CCDC91: variants seen among roughly 807,000 people sequenced by gnomAD.
CCDC91 encodes coiled-coil domain containing 91.
In CCDC91, 48 loss-of-function variants were observed where a neutral mutation model predicts 63.2. That is an observed-to-expected ratio of 0.76 (90% CI 0.60 to 0.97). The LOEUF is 0.97. CCDC91 is among the 50% of genes least tolerant of loss of function. CCDC91 has a pLI of 0.00. For synonymous variants in CCDC91, 167 were observed against 165.8 expected, an observed-to-expected ratio of 1.01 and a Z score of -0.06; for missense variants, 500 against 494.6, an observed-to-expected ratio of 1.01 and a Z score of -0.10.
At chr12:28,411,333 A>C (rs977496607) in intron 8 of CCDC91, among the ~76,000 whole-genome samples, 1 of 152,166 alleles carries the variant, frequency 6.6e-6, no homozygotes, top group African/African-American at 2.4e-5. Flanking sequence ...GAAATATGGA[A>C]AATTTCTTCC....
chr12:28,294,397 T>A (rs1291185127), intron 3 of CCDC91, among the ~76,000 whole-genome samples: 1 of 152,110 alleles, frequency 6.6e-6, no homozygotes, highest in African/African-American at 2.4e-5. Flanking sequence ...TCCCCCCGCA[T>A]GCTGTTCTTG....
chr12:28,389,112 A>G (rs1945783910), intron 7 of CCDC91, among the ~76,000 whole-genome samples: 1 of 152,174 alleles, frequency 6.6e-6, no homozygotes, highest in African/African-American at 2.4e-5. Flanking sequence ...TCAAAGGACT[A>G]ATATCCGGAA....
At chr12:28,226,874 C>G (rs760711489) in intron 1 of CCDC91, among the ~76,000 whole-genome samples, 24 of 152,114 alleles carry the variant, frequency 1.6e-4, no homozygotes, top group Non-Finnish European at 2.8e-4. Context: ...GAGTATTGGT[C>G]AGACATTTCC....
At chr12:28,397,681 T>G (rs921708237) in intron 8 of CCDC91, among the ~76,000 whole-genome samples, 1 of 152,188 alleles carries the variant, frequency 6.6e-6, no homozygotes, top group Non-Finnish European at 1.5e-5. Context: ...TATGAATTTT[T>G]TTTGAGTTAC....
intron 3 of CCDC91, among the ~76,000 whole-genome samples, chr12:28,283,195 T>C (rs1341361523): frequency 6.6e-6 from 1 of 150,514 alleles, no homozygotes; most frequent in Non-Finnish European, 1.5e-5. Context: ...TGAGCTTTTT[T>C]TTTGGTCCCA....
At chr12:28,416,518 G>T (rs1354178026) in intron 8 of CCDC91, among the ~76,000 whole-genome samples, 2 of 152,168 alleles carry the variant, frequency 1.3e-5, no homozygotes, top group Non-Finnish European at 2.9e-5. Context: ...GGACAGGTGG[G>T]AGTGGGTGGG....
chr12:28,299,493 T>C (rs532521015), intron 3 of CCDC91, among the ~76,000 whole-genome samples: 2 of 151,790 alleles, frequency 1.3e-5, no homozygotes, highest in South Asian at 4.1e-4. Flanking sequence ...TGTTGTTCTT[T>C]GTATTCTGTT....
intron 1 of CCDC91, among the ~76,000 whole-genome samples, chr12:28,228,719 G>A (rs990441132): frequency 1.3e-5 from 2 of 152,128 alleles, no homozygotes; most frequent in Admixed American, 6.5e-5. Flanking sequence ...TGGGTACCAA[G>A]TATGTGTTAA....
intron 1 of CCDC91, among the ~76,000 whole-genome samples, chr12:28,195,400 GTCCCC>G (rs1426178653): frequency 4.6e-5 from 7 of 152,144 alleles, no homozygotes; most frequent in Non-Finnish European, 8.8e-5. Flanking sequence ...AGTTCTCCAA[GTCCCC>G]ACCTGACCCG....
chr12:28,518,512 T>C (rs1425918205), intron 12 of CCDC91, among the ~76,000 whole-genome samples: 5 of 152,076 alleles, frequency 3.3e-5, no homozygotes, highest in African/African-American at 1.2e-4. Flanking sequence ...TGTTTTTTTC[T>C]TACTAATTTT....
intron 7 of CCDC91, among the ~76,000 whole-genome samples, chr12:28,375,416 C>T (rs960295188): frequency 4.0e-5 from 6 of 151,790 alleles, no homozygotes; most frequent in South Asian, 2.1e-4. Flanking sequence ...ATATCCACTT[C>T]GGAATAAAAG....
chr12:28,339,246 G>T (rs1411256825), intron 6 of CCDC91, among the ~76,000 whole-genome samples: 1 of 152,124 alleles, frequency 6.6e-6, no homozygotes, highest in East Asian at 1.9e-4. Context: ...TGAAGAGCCT[G>T]AAAAATTTTC....
chr12:28,210,040 A>T (rs1591992177), intron 1 of CCDC91, among the ~76,000 whole-genome samples: 3 of 152,272 alleles, frequency 2.0e-5, no homozygotes, highest in East Asian at 3.9e-4. Flanking sequence ...TGTCCTAAAC[A>T]TCCTTCTTTT....
chr12:28,446,068 A>G (rs1949484539), intron 8 of CCDC91, among the ~76,000 whole-genome samples: 1 of 152,204 alleles, frequency 6.6e-6, no homozygotes, highest in South Asian at 2.1e-4. Flanking sequence ...GCATGGGACT[A>G]AAAACAAGGA....
At chr12:28,325,741 C>T (rs1940931022) in intron 6 of CCDC91, among the ~76,000 whole-genome samples, 1 of 150,400 alleles carries the variant, frequency 6.6e-6, no homozygotes, top group Non-Finnish European at 1.5e-5. Context: ...GTTGCTGAAG[C>T]AGAATGAATG....
At chr12:28,515,032 G>A (rs969306934) in intron 12 of CCDC91, among the ~76,000 whole-genome samples, 12 of 151,596 alleles carry the variant, frequency 7.9e-5, no homozygotes, top group African/African-American at 2.9e-4. Context: ...AAAAGAAAGT[G>A]GTGAAAATGG....
At chr12:28,457,655 G>T (rs1419883324) in intron 11 of CCDC91, among the ~76,000 whole-genome samples, 1 of 151,674 alleles carries the variant, frequency 6.6e-6, no homozygotes, top group Admixed American at 6.6e-5. Context: ...AAGGATTGTG[G>T]TAGATAATTC....
At chr12:28,436,890 C>T (rs1439688108) in intron 8 of CCDC91, among the ~76,000 whole-genome samples, 4 of 151,862 alleles carry the variant, frequency 2.6e-5, no homozygotes, top group Admixed American at 6.6e-5. Context: ...AAATGCCCAT[C>T]GCCTTATTAA....
chr12:28,216,428 G>A (rs73263433), intron 1 of CCDC91, among the ~76,000 whole-genome samples: 8,227 of 151,954 alleles, frequency 0.054, 644 homozygotes, highest in African/African-American at 0.18. Flanking sequence ...TATATATAGT[G>A]CCTCAAAAAT....
Sources: allele counts gnomAD v4.1 joint callset (sites outside exome capture counted in the v4.1 genomes callset), GRCh38; gene constraint gnomAD v4.1.1; transcripts MANE v1.5; gene names NCBI Gene and HGNC (gene_info 2026-07-23, HGNC 2026-07-21).